The following FER1L6 variants were observed in gnomAD, a reference collection of about 807,000 sequenced individuals.
FER1L6 encodes the protein fer-1 like family member 6, also known as fer-1-like protein 6.
A neutral mutation model predicts 219.2 loss-of-function variants in FER1L6; 177 were observed. The ratio of observed to expected loss-of-function variants is 0.81; its 90% CI spans 0.71 to 0.91. The LOEUF (loss-of-function observed/expected upper bound fraction) is 0.91. Among genes scored for constraint, FER1L6 ranks in the 40% least tolerant of loss-of-function variants. The pLI, the probability that FER1L6 is intolerant of heterozygous loss-of-function variation, is 0.00. For synonymous variants in FER1L6, 768 were observed against 824.3 expected, an observed-to-expected ratio of 0.93 and a Z score of 1.17; for missense variants, 2,153 against 2,259.9, an observed-to-expected ratio of 0.95 and a Z score of 0.96.
At position 124,049,626 on chromosome 8, in the gene FER1L6, G is replaced by A. The variant is rs1819908524; in HGVS notation, c.2744G>A (p.Gly915Asp). 6.2e-7 allele frequency: 1 copy of A among 1,613,790 alleles called. No homozygotes were observed. Among genetic ancestry groups the A allele is most frequent in the Non-Finnish European group, 8.5e-7 (1 of 1,179,964 alleles). The change falls in exon 22 of 41, where the codon GGT (glycine) becomes GAT (aspartate). Residue 915 changes from glycine to aspartate, a missense_variant. By Grantham distance (94) the Gly-to-Asp change is moderately conservative (BLOSUM62 -1). Transcript: ENST00000522917. Reference sequence around the variant, plus strand: ...CTTTAGGGGAAGCCAGAATATTTGGGTGCCACAGTGGCTGCTCCTGTTGTG... The same window carrying A: ...CTTTAGGGGAAGCCAGAATATTTGGATGCCACAGTGGCTGCTCCTGTTGTG... ...SDAVGKPEYL[G>D]ATVAAPVVKL...
rs115893760 is a variant in FER1L6, at chr8:123,899,197, T to G, written c.-8+47012T>G. ...TTTTTGATTTTTTGATTATGGACAT[T>G]CTTGTAGGAGTAAGGTGGTATCACA... On this transcript the variant is annotated intron_variant, in intron 1 of 40. Coordinates refer to ENST00000522917, the MANE Select transcript of FER1L6 (RefSeq NM_001039112.2). 9.6e-3 allele frequency among the ~76,000 whole-genome samples: 1,468 copies of G among 152,264 alleles called. 23 individuals carry two copies. Among genetic ancestry groups the G allele is most frequent in the African/African-American group, 0.034 (1,417 of 41,554 alleles).
chr8:123,886,449 T>TC (rs1817204547), intron 1 of FER1L6, among the ~76,000 whole-genome samples: 1 of 152,176 alleles, frequency 6.6e-6, no homozygotes, highest in African/African-American at 2.4e-5. Flanking sequence ...CTCACATGCA[T>TC]CAGGTTCCCC....
chr8:124,072,091 G>A (rs1320082473), intron 31 of FER1L6, among the ~76,000 whole-genome samples: 2 of 152,202 alleles, frequency 1.3e-5, no homozygotes, highest in Non-Finnish European at 2.9e-5. Flanking sequence ...ATATAGGACT[G>A]TTCCGTCTGT....
At chr8:124,119,498 T>TC in intron 40 of FER1L6, 109 bp from the exon 41 acceptor site, 1 of 719,380 alleles carries the variant, frequency 1.4e-6, no homozygotes, top group Non-Finnish European at 2.4e-6. Context: ...TTCAGGGCTC[T>TC]CCCTATGGGT....
At chr8:124,063,827 G>A (rs1820702769) in intron 25 of FER1L6, among the ~76,000 whole-genome samples, 1 of 152,202 alleles carries the variant, frequency 6.6e-6, no homozygotes, top group African/African-American at 2.4e-5. Context: ...ACCATTGGCA[G>A]TGAAGGACAG....
chr8:124,064,662 C>G, intron 26 of FER1L6, 89 bp downstream of exon 26: 1 of 1,150,750 alleles, frequency 8.7e-7, no homozygotes, highest in Non-Finnish European at 1.2e-6. Context: ...TGCAGTGTGA[C>G]CATGGGCAAG....
chr8:123,989,252 G>A (rs767402871), intron 12 of FER1L6, among the ~76,000 whole-genome samples: 25 of 152,148 alleles, frequency 1.6e-4, no homozygotes, highest in Non-Finnish European at 8.8e-5. Flanking sequence ...TTTTGCATCA[G>A]TGTTGATCAG....
Position 124,035,362 on chromosome 8 carries a change from C to A in FER1L6, c.2372C>A (p.Ala791Asp). 1 of 1,614,090 alleles carries A rather than the reference C, an allele frequency of 6.2e-7. No individual in the cohort carries two copies. Among genetic ancestry groups the A allele is most frequent in the South Asian group, 1.1e-5 (1 of 91,078 alleles). Reference sequence around the variant, plus strand: ...CTGGGCTCCATCAAGCATGCCAGTGCCATTTTGGACAACTTGCCAGTAGGC... The same window carrying A: ...CTGGGCTCCATCAAGCATGCCAGTGACATTTTGGACAACTTGCCAGTAGGC... Reference protein sequence around the residue: ...LWLGSIKHASAILDNLPVGYE... With the variant: ...LWLGSIKHASDILDNLPVGYE... The change falls in exon 19 of 41, where the codon GCC becomes GAC. Residue 791 changes from alanine (A) to aspartate (D), a missense_variant. By Grantham distance (126) the Ala-to-Asp change is moderately radical. Transcript: ENST00000522917.
rs774048846 is a variant in FER1L6, at chr8:124,010,616, G to A, written c.1723G>A (p.Glu575Lys). ...CAGGAATTACAACTATTTGCCATTT[G>A]AGGCTAAGAAGCCCTGTGTCTATTT... ...GNRNYNYLPF[E>K]AKKPCVYFIS... The change falls in exon 14 of 41, where the codon GAG (glutamate) becomes AAG (lysine). Residue 575 changes from glutamate to lysine, a missense_variant. By Grantham distance (56) the Glu-to-Lys change is moderately conservative. Coordinates refer to ENST00000522917, the MANE Select transcript of FER1L6 (RefSeq NM_001039112.2). 4.0e-5 allele frequency: 65 copies of A among 1,613,860 alleles called. No homozygotes were observed. Among genetic ancestry groups the A allele is most frequent in the African/African-American group, 9.3e-5 (7 of 74,924 alleles).
intron 1 of FER1L6, among the ~76,000 whole-genome samples, chr8:123,924,217 AGAG>A (rs1271901335): frequency 7.2e-6 from 1 of 139,624 alleles, no homozygotes; most frequent in Non-Finnish European, 1.5e-5. Flanking sequence ...CTTGGGTGAC[AGAG>A]GAGACTCAGT....
intron 11 of FER1L6, among the ~76,000 whole-genome samples, chr8:123,982,921 C>A (rs1299478704): frequency 6.6e-6 from 1 of 152,186 alleles, no homozygotes; most frequent in African/African-American, 2.4e-5. Context: ...CAAGAGGGAG[C>A]AAGACTGAAA....
intron 18 of FER1L6, among the ~76,000 whole-genome samples, chr8:124,034,045 A>G (rs1396527399): frequency 6.6e-6 from 1 of 152,108 alleles, no homozygotes; most frequent in Non-Finnish European, 1.5e-5. Context: ...GCCATGCTCA[A>G]TTTCGGATTC....
chr8:123,892,600 G>A (rs564947650), intron 1 of FER1L6, among the ~76,000 whole-genome samples: 1 of 152,158 alleles, frequency 6.6e-6, no homozygotes, highest in Non-Finnish European at 1.5e-5. Flanking sequence ...CAGAGAGACA[G>A]ATTTAGTTGG....
At chr8:124,109,880 T>G (rs1439990564) in intron 39 of FER1L6, among the ~76,000 whole-genome samples, 1 of 152,202 alleles carries the variant, frequency 6.6e-6, no homozygotes, top group African/African-American at 2.4e-5. Context: ...GTTGCTAATA[T>G]GAACTGACTA....
At chr8:124,050,138 C>T (rs1402356912) in intron 22 of FER1L6, among the ~76,000 whole-genome samples, 1 of 152,188 alleles carries the variant, frequency 6.6e-6, no homozygotes, top group Admixed American at 6.5e-5. Flanking sequence ...GTATACCTTT[C>T]ATCACACTAA....
chr8:123,939,944 T>C (rs1814165073), intron 1 of FER1L6, among the ~76,000 whole-genome samples: 4 of 152,172 alleles, frequency 2.6e-5, no homozygotes, highest in Admixed American at 2.6e-4. Flanking sequence ...TTACAAAGCA[T>C]TCCAGAAATA....
At chr8:124,005,074 C>T (rs1042058812) in intron 13 of FER1L6, among the ~76,000 whole-genome samples, 1 of 151,894 alleles carries the variant, frequency 6.6e-6, no homozygotes, top group Admixed American at 6.6e-5. Context: ...CCAGTCAATA[C>T]AGTTCTTAAG....
intron 18 of FER1L6, 146 bp downstream of exon 18, chr8:124,023,742 G>C: frequency 1.3e-6 from 1 of 774,906 alleles, no homozygotes; most frequent in South Asian, 2.9e-5. Flanking sequence ...GTGCCTCTTG[G>C]TTCAAATTGC....
intron 1 of FER1L6, among the ~76,000 whole-genome samples, chr8:123,918,123 A>C (rs1461244988): frequency 6.6e-6 from 1 of 152,158 alleles, no homozygotes; most frequent in Non-Finnish European, 1.5e-5. Context: ...CAGCCTGGGC[A>C]ACATGGTAAA....
Sources: allele counts gnomAD v4.1 joint callset (sites outside exome capture counted in the v4.1 genomes callset), GRCh38; gene constraint gnomAD v4.1.1; transcripts MANE v1.5; gene names NCBI Gene and HGNC (gene_info 2026-07-23, HGNC 2026-07-21).